The following DNAH14 variants were observed in gnomAD, a reference collection of about 807,000 sequenced individuals.
The protein encoded by DNAH14 is axonemal beta dynein heavy chain 14.
DNAH14 carries 478 observed loss-of-function variants against 520.9 expected under a neutral mutation model. That is an observed-to-expected ratio of 0.92 (90% CI 0.85 to 0.99). DNAH14 has a LOEUF of 0.99. Among genes scored for constraint, DNAH14 ranks in the 50% least tolerant of loss-of-function variants. DNAH14 has a pLI of 0.00. For missense variants in DNAH14, 4,831 were observed against 5,234.5 expected (o/e 0.92, Z 2.38); for synonymous variants, 1,581 against 1,757.2 (o/e 0.90, Z 2.51).
Position 225,374,145 on chromosome 1 carries a change from C to CTATATATATATATGTA in DNAH14, c.12319-530_12319-529insGTATATATATATATAT, listed in dbSNP as rs1272949431. On this transcript the variant is annotated intron_variant, in intron 77 of 85. Transcript: ENST00000682510. ...TGTATGTCCCAATATTTGTGTCTTA[C>CTATATATATATATGTA]TATATATATATATATATATATATAT... Among the ~76,000 whole-genome samples, 10 of 33,064 alleles carry CTATATATATATATGTA rather than the reference C, an allele frequency of 3.0e-4. 1 individual carries two copies. Among genetic ancestry groups the CTATATATATATATGTA allele is most frequent in the African/African-American group, 1.2e-3 (9 of 7,330 alleles). The allele number at this position is 33,064 out of a possible 152,430, so 21.7% of individuals were successfully genotyped here.
intron 17 of DNAH14, among the ~76,000 whole-genome samples, chr1:225,058,509 G>A (rs1162962981): frequency 6.6e-6 from 1 of 152,104 alleles, no homozygotes. Flanking sequence ...TTTTTGAAGG[G>A]TGTTTTGTGT....
At chr1:225,228,744 C>T (rs553296031) in intron 41 of DNAH14, among the ~76,000 whole-genome samples, 3 of 152,104 alleles carry the variant, frequency 2.0e-5, no homozygotes, top group Non-Finnish European at 2.9e-5. Context: ...TTGCTGCATG[C>T]GTCTGTACTC....
At chr1:225,398,414 A>T in intron 84 of DNAH14, 106 bp from the exon 85 acceptor site, 1 of 1,352,868 alleles carries the variant, frequency 7.4e-7, no homozygotes, top group Non-Finnish European at 9.9e-7. Context: ...AACATGCCTT[A>T]GGCAGGATGA....
chr1:225,159,261 C>T, intron 34 of DNAH14, 53 bp from the exon 35 acceptor site: 1 of 1,434,836 alleles, frequency 7.0e-7, no homozygotes, highest in Non-Finnish European at 9.5e-7. Context: ...TCAGTGTCTG[C>T]AGAGCAGACT....
Position 225,238,099 on chromosome 1 carries a change from C to T in DNAH14, c.6519-2494C>T, listed in dbSNP as rs141704841. The stretch of plus-strand genomic sequence containing the variant: ...AGCAAAGTTCATTATTACCCACATT[C>T]TGAAGCTTACTTCTGTTAATTCAGC... On this transcript the variant is annotated intron_variant, in intron 42 of 85. Transcript: ENST00000682510. Among the ~76,000 whole-genome samples the T allele has an allele frequency of 6.9e-3, 1,053 of 152,302 alleles. 14 individuals carry two copies. Among genetic ancestry groups the T allele is most frequent in the African/African-American group, 0.024 (1,013 of 41,568 alleles).
At chr1:225,009,933 G>A (rs918545680) in intron 10 of DNAH14, among the ~76,000 whole-genome samples, 1 of 152,132 alleles carries the variant, frequency 6.6e-6, no homozygotes, top group Non-Finnish European at 1.5e-5. Flanking sequence ...TGTGATTTTT[G>A]CACATTGATT....
At chr1:225,291,206 T>C (rs908655745) in intron 55 of DNAH14, among the ~76,000 whole-genome samples, 12 of 152,172 alleles carry the variant, frequency 7.9e-5, no homozygotes, top group African/African-American at 2.9e-4. Flanking sequence ...TTCTCTTTTA[T>C]GGCTGAATTG....
intron 8 of DNAH14, among the ~76,000 whole-genome samples, chr1:225,001,306 G>C (rs2063756188): frequency 6.6e-6 from 1 of 151,998 alleles, no homozygotes; most frequent in African/African-American, 2.4e-5. Context: ...TAGTTGTACT[G>C]AGCAGTAAAA....
intron 17 of DNAH14, among the ~76,000 whole-genome samples, chr1:225,061,599 G>A (rs571352901): frequency 8.5e-5 from 13 of 152,266 alleles, no homozygotes; most frequent in South Asian, 2.1e-4. Context: ...CATCTTCTGC[G>A]TCGCTCATGC....
At position 225,331,562 on chromosome 1, in the gene DNAH14, C is replaced by G. The variant is rs543669224; in HGVS notation, c.9849C>G (p.Val3283=). 3.9e-6 allele frequency: 6 copies of G among 1,551,324 alleles called. No individual in the cohort carries two copies. In the South Asian group the frequency reaches 6.0e-5, roughly 15 times the overall value. Residue 3283 remains valine, a synonymous_variant, in exon 65 of 86, where the codon GTC becomes GTG. Coordinates refer to ENST00000682510, the MANE Select transcript of DNAH14 (RefSeq NM_001367479.1). ...RFQCASVLLT[V]LEDEKTRWQE... ...AGTGTGCGTCAGTCTTACTAACTGT[C>G]CTGGAAGATGAGAAGGCATGACTTA...
intron 1 of DNAH14, among the ~76,000 whole-genome samples, chr1:224,946,321 C>G (rs112599265): frequency 0.042 from 6,348 of 152,250 alleles, 216 homozygotes; most frequent in Non-Finnish European, 0.061. Flanking sequence ...CCTGGTGTGC[C>G]ATTTGCTAAG....
intron 27 of DNAH14, among the ~76,000 whole-genome samples, chr1:225,132,220 A>G (rs2078494053): frequency 6.6e-6 from 1 of 151,524 alleles, no homozygotes; most frequent in East Asian, 2.0e-4. Context: ...CTTTTATTTT[A>G]AGTTCAGGGG....
At chr1:224,978,089 GAAAAACAGTACGGAGGTTTCTCAAAA>G (rs2061996986) in intron 8 of DNAH14, among the ~76,000 whole-genome samples, 1 of 152,164 alleles carries the variant, frequency 6.6e-6, no homozygotes, top group East Asian at 1.9e-4. Flanking sequence ...CAACCATATG[GAAAAACAGTACGGAGGTTTCTCAAAA>G]AACTAAAAAT....
chr1:225,086,460 A>T (rs1485472368), intron 21 of DNAH14, among the ~76,000 whole-genome samples: 1 of 152,060 alleles, frequency 6.6e-6, no homozygotes, highest in Non-Finnish European at 1.5e-5. Context: ...AAATGTCAAG[A>T]AACTCAACAT....
intron 83 of DNAH14, among the ~76,000 whole-genome samples, chr1:225,390,667 G>A (rs138658037): frequency 1.8e-4 from 28 of 152,270 alleles, no homozygotes; most frequent in South Asian, 1.2e-3. Flanking sequence ...TACCAATTAA[G>A]TATTATCCAG....
At chr1:225,143,661 C>G (rs1201679348) in intron 28 of DNAH14, among the ~76,000 whole-genome samples, 3 of 152,056 alleles carry the variant, frequency 2.0e-5, no homozygotes, top group African/African-American at 7.2e-5. Context: ...AAAATCAAAA[C>G]AGCACTAAAC....
intron 1 of DNAH14, among the ~76,000 whole-genome samples, chr1:224,942,972 T>C (rs1270578037): frequency 6.6e-6 from 1 of 152,202 alleles, no homozygotes; most frequent in Non-Finnish European, 1.5e-5. Flanking sequence ...TCTCTTTTTT[T>C]GTTGTGTCTC....
At chr1:225,349,173 A>G (rs2095329671) in intron 71 of DNAH14, among the ~76,000 whole-genome samples, 1 of 152,144 alleles carries the variant, frequency 6.6e-6, no homozygotes, top group South Asian at 2.1e-4. Context: ...AGGTCTCACT[A>G]TGTTGCCCAG....
At chr1:225,112,265 C>T (rs141752575) in intron 23 of DNAH14, among the ~76,000 whole-genome samples, 2 of 152,080 alleles carry the variant, frequency 1.3e-5, no homozygotes, top group African/African-American at 2.4e-5. Flanking sequence ...AGCTTTTTTT[C>T]CTTCTGCACT....
Sources: gnomAD v4.1 joint callset for allele counts (sites outside exome capture counted in the v4.1 genomes callset) on GRCh38, gnomAD v4.1.1 for gene constraint, MANE v1.5 for transcripts, NCBI Gene and HGNC (gene_info 2026-07-23, HGNC 2026-07-21) for gene names.